IMPG1: variants seen among roughly 807,000 people sequenced by gnomAD.
IMPG1 encodes the protein interphotoreceptor matrix proteoglycan 1.
Under a neutral mutation model 92.0 loss-of-function variants are expected in IMPG1, and 85 were observed. The observed-to-expected ratio is 0.92, with a 90% CI of 0.78 to 1.11. IMPG1 has a LOEUF of 1.11. IMPG1 is among the 50% of genes least tolerant of loss of function. IMPG1 has a pLI of 0.00. For synonymous variants in IMPG1, 367 were observed against 334.1 expected (o/e 1.10, Z -1.08); for missense variants, 1,022 against 956.0 (o/e 1.07, Z -0.91).
At chr6:76,071,398 T>C (rs1472770633) in intron 1 of IMPG1, among the ~76,000 whole-genome samples, 1 of 150,842 alleles carries the variant, frequency 6.6e-6, no homozygotes, top group African/African-American at 2.4e-5. Flanking sequence ...AATGATTTTA[T>C]AAATGTAAAT....
intron 8 of IMPG1, among the ~76,000 whole-genome samples, chr6:76,008,174 A>G (rs890759447): frequency 1.3e-5 from 2 of 152,206 alleles, no homozygotes; most frequent in Admixed American, 6.5e-5. Context: ...GAACAGGCAC[A>G]TAGAAGGAAG....
chr6:76,043,397 A>C (rs1783877661), intron 1 of IMPG1, among the ~76,000 whole-genome samples: 1 of 152,174 alleles, frequency 6.6e-6, no homozygotes, highest in South Asian at 2.1e-4. Context: ...GTAAAGCATA[A>C]AAGTCCCTCA....
chr6:76,059,980 A>C (rs1418351655), intron 1 of IMPG1, among the ~76,000 whole-genome samples: 1 of 152,198 alleles, frequency 6.6e-6, no homozygotes, highest in Admixed American at 6.6e-5. Flanking sequence ...TTAGTTCTAC[A>C]TGTGTTATTT....
At chr6:75,949,232 G>A (rs1469094764) in intron 13 of IMPG1, among the ~76,000 whole-genome samples, 1 of 152,172 alleles carries the variant, frequency 6.6e-6, no homozygotes, top group African/African-American at 2.4e-5. Flanking sequence ...TTAAGTCACA[G>A]GATGAGAAAG....
chr6:75,979,151 A>G (rs1782586749), intron 12 of IMPG1, among the ~76,000 whole-genome samples: 1 of 152,130 alleles, frequency 6.6e-6, no homozygotes, highest in Admixed American at 6.5e-5. Context: ...TCCTGGGCTC[A>G]AGGAATCTGC....
intron 12 of IMPG1, among the ~76,000 whole-genome samples, chr6:75,988,998 C>A (rs1037444684): frequency 7.2e-5 from 11 of 152,188 alleles, no homozygotes; most frequent in African/African-American, 2.2e-4. Context: ...GCCCTTTTAG[C>A]GATTTCAGTT....
chr6:76,058,418 C>T (rs986923852), intron 1 of IMPG1, among the ~76,000 whole-genome samples: 1 of 152,128 alleles, frequency 6.6e-6, no homozygotes, highest in Non-Finnish European at 1.5e-5. Context: ...ACTTATTGAG[C>T]ATCTTTGTAG....
intron 12 of IMPG1, among the ~76,000 whole-genome samples, chr6:75,987,203 C>A (rs1046066667): frequency 6.6e-6 from 1 of 152,000 alleles, no homozygotes; most frequent in Non-Finnish European, 1.5e-5. Flanking sequence ...AAAGATTGAC[C>A]TGAGCTGAAA....
At chr6:75,970,990 A>C (rs188290133) in intron 12 of IMPG1, among the ~76,000 whole-genome samples, 2 of 152,298 alleles carry the variant, frequency 1.3e-5, no homozygotes, top group African/African-American at 2.4e-5. Flanking sequence ...AGGATTATAA[A>C]TCATGCTGCT....
At chr6:75,924,049 C>A (rs1416477689) in intron 15 of IMPG1, among the ~76,000 whole-genome samples, 4 of 151,940 alleles carry the variant, frequency 2.6e-5, no homozygotes, top group African/African-American at 9.7e-5. Context: ...TAAACTGTCA[C>A]CTTATTCCAG....
intron 4 of IMPG1, among the ~76,000 whole-genome samples, chr6:76,025,958 A>C (rs576742383): frequency 1.3e-5 from 2 of 152,218 alleles, no homozygotes; most frequent in Admixed American, 1.3e-4. Context: ...GCCAGGTGGG[A>C]GGAGGTCCCC....
chr6:75,969,626 A>G (rs1319165505), intron 12 of IMPG1, among the ~76,000 whole-genome samples: 2 of 151,980 alleles, frequency 1.3e-5, no homozygotes, highest in Admixed American at 1.3e-4. Flanking sequence ...CCAGCTGCTC[A>G]GGAGGTTGAG....
At chr6:76,007,591 A>G in intron 8 of IMPG1, 91 bp from the exon 9 acceptor site, 3 of 843,072 alleles carry the variant, frequency 3.6e-6, no homozygotes, top group Non-Finnish European at 5.5e-6. Flanking sequence ...TTTATATACA[A>G]AAGAAAAAAA....
chr6:76,004,508 G>C (rs1037081842), intron 10 of IMPG1, among the ~76,000 whole-genome samples: 2 of 152,152 alleles, frequency 1.3e-5, no homozygotes, highest in Non-Finnish European at 2.9e-5. Context: ...TGTTAAGAGT[G>C]CCTATCTTAG....
chr6:76,030,812 T>A (rs545577038), intron 4 of IMPG1, among the ~76,000 whole-genome samples: 1 of 152,288 alleles, frequency 6.6e-6, no homozygotes, highest in African/African-American at 2.4e-5. Context: ...ATCCAACAAC[T>A]GTTAGATGTA....
At chr6:76,023,140 T>G (rs1341471026) in intron 5 of IMPG1, among the ~76,000 whole-genome samples, 2 of 152,266 alleles carry the variant, frequency 1.3e-5, no homozygotes, top group African/African-American at 2.4e-5. Context: ...GGTATCAGAA[T>G]CATCTAGGCA....
chr6:76,058,875 C>T (rs943292508), intron 1 of IMPG1, among the ~76,000 whole-genome samples: 3 of 152,180 alleles, frequency 2.0e-5, no homozygotes, highest in African/African-American at 7.2e-5. Context: ...CTAAGTTTTC[C>T]TAGAGTGAGA....
intron 12 of IMPG1, among the ~76,000 whole-genome samples, chr6:75,962,855 A>C (rs980062670): frequency 6.6e-6 from 1 of 152,178 alleles, no homozygotes; most frequent in African/African-American, 2.4e-5. Flanking sequence ...AGCCCGGCCA[A>C]CATGGTGAAA....
chr6:76,047,172 C>T (rs1783959287), intron 1 of IMPG1, among the ~76,000 whole-genome samples: 1 of 152,206 alleles, frequency 6.6e-6, no homozygotes, highest in Admixed American at 6.5e-5. Flanking sequence ...CCTCAGTCCT[C>T]AGACAGAACT....
Sources: allele counts gnomAD v4.1 joint callset (sites outside exome capture counted in the v4.1 genomes callset), GRCh38; gene constraint gnomAD v4.1.1; transcripts MANE v1.5; gene names NCBI Gene and HGNC (gene_info 2026-07-23, HGNC 2026-07-21).